LRP2: variants seen among roughly 807,000 people sequenced by gnomAD.
LRP2 encodes the protein low-density lipoprotein receptor-related protein 2.
Under a neutral mutation model 531.0 loss-of-function variants are expected in LRP2, and 172 were observed. That is an observed-to-expected ratio of 0.32 (90% CI 0.29 to 0.37). The LOEUF (loss-of-function observed/expected upper bound fraction) is 0.37. Among genes scored for constraint, LRP2 ranks in the 10% least tolerant of loss-of-function variants. The pLI, the probability that LRP2 is intolerant of heterozygous loss-of-function variation, is 1.00. For synonymous variants in LRP2, 1,992 were observed against 2,027.6 expected, an observed-to-expected ratio of 0.98 and a Z score of 0.47; for missense variants, 5,167 against 5,868.3, an observed-to-expected ratio of 0.88 and a Z score of 3.90.
chr2:169,259,232 A>G lies in LRP2; in HGVS notation c.2321-15T>C. On this transcript the variant is annotated splice_polypyrimidine_tract_variant and intron_variant, in intron 16 of 78. Transcript: ENST00000649046. ...AATTTCTCTTCCTATAAGTTAAAAT[A>G]TGGACATATTTTAAGCTAAGTATAT... The G allele has an allele frequency of 6.3e-7, 1 of 1,598,320 alleles. No homozygotes were observed. The highest frequency in any genetic ancestry group is 8.6e-7 in the Non-Finnish European group (1 of 1,166,558).
At chr2:169,254,264 C>T (rs1417028512) in intron 19 of LRP2, among the ~76,000 whole-genome samples, 1 of 76,230 alleles carries the variant, frequency 1.3e-5, no homozygotes, top group South Asian at 9.5e-4. Flanking sequence ...CAATGATAGA[C>T]TGGATTAAGA....
intron 1 of LRP2, among the ~76,000 whole-genome samples, chr2:169,356,658 CA>C (rs1288631766): frequency 1.3e-5 from 2 of 152,184 alleles, no homozygotes; most frequent in Non-Finnish European, 2.9e-5. Flanking sequence ...CACTTCATCT[CA>C]AAACACTGTA....
intron 78 of LRP2, 29 bp downstream of exon 78, chr2:169,128,984 C>G (rs1423975853): frequency 6.4e-7 from 1 of 1,569,854 alleles, no homozygotes. Context: ...GAAAAAATGT[C>G]TGTGCTAAGA....
Position 169,128,497 on chromosome 2 carries a change from G to A in LRP2, c.*166C>T. 1.6e-6 allele frequency: 1 copy of A among 634,856 alleles called. No individual in the cohort carries two copies. The highest frequency in any genetic ancestry group is 2.7e-6 in the Non-Finnish European group (1 of 365,334). The allele number at this position is 634,856 out of a possible 1,614,324, so 39.3% of individuals were successfully genotyped here. A position where few individuals can be genotyped will look rare whatever the true frequency, so the allele number is the denominator to read the frequency against. On this transcript the variant is annotated 3_prime_UTR_variant, in exon 79 of 79. Coordinates refer to ENST00000649046, the MANE Select transcript of LRP2 (RefSeq NM_004525.3). ...TTGTGATAATTATTTGTAAAAATATGAGACGGCATAAGTAAAAAAAGACAC... is the reference window on the plus strand; with the variant it reads ...TTGTGATAATTATTTGTAAAAATATAAGACGGCATAAGTAAAAAAAGACAC...
At chr2:169,243,370 C>T in intron 23 of LRP2, 33 bp downstream of exon 23, 1 of 1,612,768 alleles carries the variant, frequency 6.2e-7, no homozygotes, top group South Asian at 1.1e-5. Flanking sequence ...TCTAAATAAA[C>T]ATTGTGAATA....
intron 54 of LRP2, among the ~76,000 whole-genome samples, chr2:169,176,011 T>A (rs1015503042): frequency 6.6e-6 from 1 of 152,184 alleles, no homozygotes; most frequent in African/African-American, 2.4e-5. Flanking sequence ...TTTGAATGTG[T>A]AACCCTGGAT....
chr2:169,221,918 G>A (rs950812045), intron 33 of LRP2, among the ~76,000 whole-genome samples: 8 of 128,384 alleles, frequency 6.2e-5, no homozygotes, highest in South Asian at 6.2e-4. Flanking sequence ...TCTCTCACAC[G>A]GCCATTCTGT....
chr2:169,236,163 G>A, intron 28 of LRP2, 95 bp from the exon 29 acceptor site: 1 of 916,084 alleles, frequency 1.1e-6, no homozygotes, highest in Non-Finnish European at 1.7e-6. Context: ...TTTATGCCCT[G>A]CTTAAAATAA....
At chr2:169,143,595 G>A (rs1261841710) in intron 70 of LRP2, among the ~76,000 whole-genome samples, 2 of 152,142 alleles carry the variant, frequency 1.3e-5, no homozygotes, top group Non-Finnish European at 2.9e-5. Context: ...GCAGTGAGCC[G>A]AGATTGCACC....
chr2:169,256,332 AT>A, intron 18 of LRP2, 96 bp from the exon 19 acceptor site: 3 of 909,510 alleles, frequency 3.3e-6, no homozygotes, highest in Non-Finnish European at 5.1e-6. Context: ...CAGTTGACAC[AT>A]TTATTAAACA....
rs1688953569 is a variant in LRP2 at position 169,220,522 on chromosome 2, C to G, written c.5580G>C (p.Leu1860Phe). Residue 1860 changes from leucine (L) to phenylalanine (F), a missense_variant, in exon 34 of 79, where the codon TTG (leucine) becomes TTC (phenylalanine). By Grantham distance (22) the Leu-to-Phe change is conservative (BLOSUM62 0). Around this residue, in one of 6 missense-constraint regions of LRP2, gnomAD observed 2,811 missense variants for 3,058.0 expected, o/e 0.92. Coordinates refer to ENST00000649046, the MANE Select transcript of LRP2 (RefSeq NM_004525.3). ...LHGDIRYRKTLIANDGTALGV... is the reference protein window; with the variant it reads ...LHGDIRYRKTFIANDGTALGV... ...CAAGAGCTGTCCCATCATTGGCAAT[C>G]AATGTTTTTCTGTATCTGATATCTC... The G allele has an allele frequency of 6.2e-7, 1 of 1,613,498 alleles. No homozygotes were observed. Among genetic ancestry groups the G allele is most frequent in the South Asian group, 1.1e-5 (1 of 91,044 alleles).
intron 16 of LRP2, 132 bp from the exon 17 acceptor site, chr2:169,259,349 A>C: frequency 5.1e-6 from 1 of 195,146 alleles, no homozygotes; most frequent in Non-Finnish European, 1.0e-5. Context: ...ATTCTTTAAA[A>C]AAAAAAAAAA....
chr2:169,183,981 T>A (rs1687534533), intron 50 of LRP2, among the ~76,000 whole-genome samples: 1 of 152,140 alleles, frequency 6.6e-6, no homozygotes, highest in Non-Finnish European at 1.5e-5. Context: ...CCTCCTGGAC[T>A]TTCAAGAAAA....
At position 169,273,402 on chromosome 2, in the gene LRP2, C is replaced by CT. The variant is rs1559051484; in HGVS notation, c.1976-336dup. On this transcript the variant is annotated intron_variant, in intron 14 of 78. Coordinates refer to ENST00000649046, the MANE Select transcript of LRP2 (RefSeq NM_004525.3). ...TCAAAAGAAAACCCACACTTCACTGCTTTTTTGCCATTTGTAGGATATAAT... is the reference window on the plus strand; with the variant it reads ...TCAAAAGAAAACCCACACTTCACTGCTTTTTTTGCCATTTGTAGGATATAAT... 2.0e-5 allele frequency among the ~76,000 whole-genome samples: 3 copies of CT among 152,134 alleles called. 1 individual carries two copies. The highest frequency in any genetic ancestry group is 1.3e-4 in the Admixed American group (2 of 15,272).
intron 16 of LRP2, among the ~76,000 whole-genome samples, chr2:169,267,702 A>G (rs948197615): frequency 6.6e-6 from 1 of 152,218 alleles, no homozygotes; most frequent in Non-Finnish European, 1.5e-5. Flanking sequence ...AGAACTAGAG[A>G]AGCGAGAGCA....
chr2:169,333,002 AT>A, intron 1 of LRP2, among the ~76,000 whole-genome samples: 1 of 152,310 alleles, frequency 6.6e-6, no homozygotes, highest in African/African-American at 2.4e-5. Context: ...CAGAGTAAGA[AT>A]TTTCTTAAAC....
chr2:169,277,193 C>CAAA (rs5836227), intron 13 of LRP2, among the ~76,000 whole-genome samples: 17 of 88,148 alleles, frequency 1.9e-4, no homozygotes, highest in African/African-American at 5.6e-4. Context: ...GACTCCATCT[C>CAAA]AAAAAAAAAA....
chr2:169,226,783 C>A (rs1221834709), intron 31 of LRP2, among the ~76,000 whole-genome samples, 195 bp from the exon 32 acceptor site: 1 of 152,152 alleles, frequency 6.6e-6, no homozygotes, highest in African/African-American at 2.4e-5. Context: ...ACCACAAGAC[C>A]TCCAACCCCA....
chr2:169,295,192 A>G (rs1411689052), intron 4 of LRP2, among the ~76,000 whole-genome samples: 2 of 152,218 alleles, frequency 1.3e-5, no homozygotes, highest in Non-Finnish European at 2.9e-5. Context: ...AAGCAGGCCT[A>G]GAGTTCAGGA....
Sources: allele counts gnomAD v4.1 joint callset (sites outside exome capture counted in the v4.1 genomes callset), GRCh38; gene constraint gnomAD v4.1.1; regional missense constraint gnomAD v4.1.1; transcripts MANE v1.5; gene names NCBI Gene and HGNC (gene_info 2026-07-23, HGNC 2026-07-21).